The following BMAL1 variants were observed in gnomAD, a reference collection of about 807,000 sequenced individuals.
BMAL1 encodes the protein basic helix-loop-helix ARNT-like protein 1.
At chr11:13,284,322 T>C in the BMAL1 span, among the ~76,000 whole-genome samples, 1 of 148,232 alleles carries the variant, frequency 6.7e-6, no homozygotes, top group African/African-American at 2.5e-5. Context: ...AAGGGACACA[T>C]TGTTTTATGT....
the BMAL1 span, among the ~76,000 whole-genome samples, chr11:13,309,707 A>G: frequency 1.3e-5 from 2 of 152,148 alleles, no homozygotes; most frequent in African/African-American, 2.4e-5. Context: ...CCTACAGTCT[A>G]GAGAAACCCC....
chr11:13,385,319 AAT>A, the BMAL1 span, among the ~76,000 whole-genome samples: 1 of 152,316 alleles, frequency 6.6e-6, no homozygotes, highest in Admixed American at 6.5e-5. Context: ...CTTCTTCAGA[AAT>A]ATCTGTCACT....
chr11:13,357,282 C>T, the BMAL1 span, among the ~76,000 whole-genome samples: 84 of 152,360 alleles, frequency 5.5e-4, no homozygotes, highest in Non-Finnish European at 9.1e-4. The surrounding 1 kb of genome is among the most constrained non-coding windows in gnomAD (Gnocchi z 4.8). Flanking sequence ...TCCATACTGG[C>T]TGGCCTTTAC....
At chr11:13,294,014 A>C in the BMAL1 span, among the ~76,000 whole-genome samples, 1 of 152,222 alleles carries the variant, frequency 6.6e-6, no homozygotes, top group East Asian at 1.9e-4. Context: ...AAATAAGAGG[A>C]TACAAAAAAG....
the BMAL1 span, chr11:13,379,226 G>GA: frequency 6.6e-6 from 1 of 152,264 alleles, no homozygotes; most frequent in Non-Finnish European, 1.5e-5. Context: ...GAGCAGTCGA[G>GA]AGGGAAGCAG....
chr11:13,307,490 G>T, the BMAL1 span, among the ~76,000 whole-genome samples: 1 of 152,176 alleles, frequency 6.6e-6, no homozygotes, highest in Non-Finnish European at 1.5e-5. Context: ...TGTTAGACAG[G>T]CAAGACTTGG....
chr11:13,337,556 C>T, the BMAL1 span, among the ~76,000 whole-genome samples: 2 of 152,142 alleles, frequency 1.3e-5, no homozygotes, highest in African/African-American at 2.4e-5. Flanking sequence ...AGTTTATATT[C>T]AGATATACAG....
the BMAL1 span, among the ~76,000 whole-genome samples, chr11:13,300,392 A>G: frequency 3.9e-5 from 6 of 152,248 alleles, no homozygotes; most frequent in African/African-American, 1.2e-4. Context: ...GAAGAATGTC[A>G]TGAGGATATA....
At chr11:13,320,374 G>A in the BMAL1 span, among the ~76,000 whole-genome samples, 3 of 152,166 alleles carry the variant, frequency 2.0e-5, no homozygotes, top group African/African-American at 7.2e-5. Context: ...TTTATCCTTT[G>A]AGGGTGCCCT....
At chr11:13,372,541 G>A in the BMAL1 span, 2 of 1,373,148 alleles carry the variant, frequency 1.5e-6, no homozygotes, top group South Asian at 1.4e-5. Context: ...TGGGTGCAGT[G>A]GCTCACACCT....
chr11:13,278,431 C>G, the BMAL1 span, among the ~76,000 whole-genome samples: 1 of 152,210 alleles, frequency 6.6e-6, no homozygotes, highest in Non-Finnish European at 1.5e-5. Flanking sequence ...GGGCGTTGGG[C>G]GAACGGTGCC....
chr11:13,276,750 G>A, the BMAL1 span: 1 of 152,170 alleles, frequency 6.6e-6, no homozygotes, highest in Non-Finnish European at 1.5e-5. Context: ...TGGAAGAGCC[G>A]GGAGTTCTTT....
At chr11:13,292,834 C>T in the BMAL1 span, among the ~76,000 whole-genome samples, 1 of 152,118 alleles carries the variant, frequency 6.6e-6, no homozygotes, top group Non-Finnish European at 1.5e-5. Flanking sequence ...GAGGAAACAC[C>T]CAAGGGGGCA....
the BMAL1 span, chr11:13,354,648 G>A: frequency 3.2e-6 from 2 of 626,738 alleles, no homozygotes; most frequent in Non-Finnish European, 5.3e-6. Flanking sequence ...CAGTGCTGAG[G>A]CATTTAACTT....
chr11:13,307,446 A>G, the BMAL1 span, among the ~76,000 whole-genome samples: 41 of 152,306 alleles, frequency 2.7e-4, no homozygotes, highest in Non-Finnish European at 1.0e-4. Context: ...CGACAGCATC[A>G]GTGAGGTGGA....
the BMAL1 span, among the ~76,000 whole-genome samples, chr11:13,330,863 A>G: frequency 6.6e-6 from 1 of 152,184 alleles, no homozygotes; most frequent in Non-Finnish European, 1.5e-5. Context: ...CCTAAACCTG[A>G]GTGATTATTG....
the BMAL1 span, among the ~76,000 whole-genome samples, chr11:13,351,424 CTT>C: frequency 6.6e-6 from 1 of 152,114 alleles, no homozygotes; most frequent in Non-Finnish European, 1.5e-5. Flanking sequence ...TAACATCTCT[CTT>C]GTATATTCAA....
chr11:13,323,922 AT>A, the BMAL1 span, among the ~76,000 whole-genome samples: 1 of 152,118 alleles, frequency 6.6e-6, no homozygotes, highest in Non-Finnish European at 1.5e-5. Context: ...TGGCCAATTT[AT>A]TTATTTTTAA....
chr11:13,318,461 T>A, the BMAL1 span, among the ~76,000 whole-genome samples: 1 of 151,796 alleles, frequency 6.6e-6, no homozygotes, highest in Non-Finnish European at 1.5e-5. Context: ...CTATAGCTGC[T>A]ATTGAAGGGG....
Sources: gnomAD v4.1 joint callset for allele counts (sites outside exome capture counted in the v4.1 genomes callset) on GRCh38, gnomAD v4.1.1 for gene constraint, Gnocchi (gnomAD v3.1) non-coding constraint, MANE v1.5 for transcripts, NCBI Gene and HGNC (gene_info 2026-07-23, HGNC 2026-07-21) for gene names.